Variants in MYO3B observed in about 807,000 individuals in gnomAD.
MYO3B encodes myosin-IIIb.
A neutral mutation model predicts 174.6 loss-of-function variants in MYO3B; 156 were observed. That is an observed-to-expected ratio of 0.89 (90% CI 0.78 to 1.02). The LOEUF is 1.02. MYO3B is among the 50% of genes least tolerant of loss of function. MYO3B has a pLI of 0.00. For missense variants in MYO3B, 1,632 were observed against 1,639.4 expected (o/e 1.00, Z 0.08); for synonymous variants, 563 against 569.1 (o/e 0.99, Z 0.15).
chr2:170,511,083 G>A (rs1376278950), intron 28 of MYO3B, among the ~76,000 whole-genome samples: 5 of 143,564 alleles, frequency 3.5e-5, no homozygotes, highest in African/African-American at 7.8e-5. Flanking sequence ...TTTTTGAGAC[G>A]GAGTCTCACT....
At chr2:170,607,320 A>G (rs1694873131) in intron 32 of MYO3B, among the ~76,000 whole-genome samples, 1 of 152,258 alleles carries the variant, frequency 6.6e-6, no homozygotes, top group African/African-American at 2.4e-5. Context: ...TTCGTGGCTT[A>G]CAGCCACAAA....
At chr2:170,410,942 G>C (rs2094542373) in intron 22 of MYO3B, among the ~76,000 whole-genome samples, 1 of 152,096 alleles carries the variant, frequency 6.6e-6, no homozygotes, top group Non-Finnish European at 1.5e-5. Flanking sequence ...CAGCTACTCA[G>C]GAGGCTGAGG....
intron 26 of MYO3B, among the ~76,000 whole-genome samples, chr2:170,499,170 C>G (rs1687064672): frequency 6.6e-6 from 1 of 152,166 alleles, no homozygotes; most frequent in South Asian, 2.1e-4. Flanking sequence ...TATGGTCCAT[C>G]CTGATTGCCT....
chr2:170,388,643 T>A (rs1273220072), intron 14 of MYO3B, among the ~76,000 whole-genome samples: 1 of 152,088 alleles, frequency 6.6e-6, no homozygotes, highest in Non-Finnish European at 1.5e-5. Flanking sequence ...GGGAATGGAT[T>A]GGGGGAGATG....
intron 30 of MYO3B, among the ~76,000 whole-genome samples, chr2:170,532,527 G>T (rs1018432153): frequency 2.0e-5 from 3 of 152,106 alleles, no homozygotes; most frequent in Non-Finnish European, 1.5e-5. Flanking sequence ...AAGAGTATCA[G>T]GTAGGCTGGG....
chr2:170,454,482 G>T (rs1029568999), intron 23 of MYO3B, among the ~76,000 whole-genome samples: 1 of 152,210 alleles, frequency 6.6e-6, no homozygotes, highest in Non-Finnish European at 1.5e-5. Context: ...AAATGTCTCC[G>T]CAGGACTATT....
intron 32 of MYO3B, among the ~76,000 whole-genome samples, chr2:170,643,329 T>C (rs915071458): frequency 2.0e-5 from 3 of 152,140 alleles, no homozygotes; most frequent in African/African-American, 7.2e-5. Flanking sequence ...AAAAGACAGG[T>C]CATGTCTTCA....
At chr2:170,531,954 G>A (rs1689381598) in intron 30 of MYO3B, among the ~76,000 whole-genome samples, 1 of 152,232 alleles carries the variant, frequency 6.6e-6, no homozygotes, top group South Asian at 2.1e-4. Flanking sequence ...CTATGTGAAA[G>A]TTTGAGGAGT....
At chr2:170,181,248 G>T (rs2092395196) in intron 1 of MYO3B, among the ~76,000 whole-genome samples, 1 of 151,968 alleles carries the variant, frequency 6.6e-6, no homozygotes, top group African/African-American at 2.4e-5. Context: ...TTCCTTTCTA[G>T]TATGTAGAAA....
intron 1 of MYO3B, among the ~76,000 whole-genome samples, chr2:170,188,167 T>C (rs1271552250): frequency 6.6e-6 from 1 of 152,210 alleles, no homozygotes; most frequent in Non-Finnish European, 1.5e-5. Flanking sequence ...ATTTGTTATA[T>C]TGTCTTCCTG....
At chr2:170,644,964 G>T (rs965613879) in intron 32 of MYO3B, among the ~76,000 whole-genome samples, 2 of 152,090 alleles carry the variant, frequency 1.3e-5, no homozygotes. Flanking sequence ...TTGGGGGGAG[G>T]TGCAAAGATT....
intron 6 of MYO3B, among the ~76,000 whole-genome samples, chr2:170,230,178 T>G (rs2092998592): frequency 6.6e-6 from 1 of 150,418 alleles, no homozygotes; most frequent in East Asian, 1.9e-4. Flanking sequence ...TTTTTTGTTT[T>G]TTTTTTTTCG....
At chr2:170,625,123 A>G (rs957156100) in intron 32 of MYO3B, among the ~76,000 whole-genome samples, 1 of 152,190 alleles carries the variant, frequency 6.6e-6, no homozygotes, top group South Asian at 2.1e-4. Context: ...ATTGATTGGA[A>G]TAGTTTCAGA....
At chr2:170,497,926 CAA>C (rs371379702) in intron 25 of MYO3B, among the ~76,000 whole-genome samples, 54 of 115,734 alleles carry the variant, frequency 4.7e-4, no homozygotes, top group African/African-American at 1.9e-3. Context: ...GCCTGGGCAA[CAA>C]GAGTGAAATT....
chr2:170,508,308 A>G (rs939976320), intron 28 of MYO3B, among the ~76,000 whole-genome samples: 3 of 152,226 alleles, frequency 2.0e-5, no homozygotes, highest in African/African-American at 7.2e-5. Context: ...ATGATCGATT[A>G]CACACTTGAG....
chr2:170,339,620 C>T (rs191168300), intron 8 of MYO3B, among the ~76,000 whole-genome samples: 102 of 152,266 alleles, frequency 6.7e-4, no homozygotes, highest in Non-Finnish European at 1.2e-3. Flanking sequence ...AGATTTATTT[C>T]CAGCCTCCTT....
chr2:170,555,066 C>G (rs567280590), intron 32 of MYO3B, among the ~76,000 whole-genome samples: 25 of 150,856 alleles, frequency 1.7e-4, no homozygotes, highest in Non-Finnish European at 3.5e-4. Context: ...TGTTTGTTTT[C>G]TAAGATTGAG....
At chr2:170,487,388 A>G (rs1686135893) in intron 25 of MYO3B, among the ~76,000 whole-genome samples, 1 of 152,172 alleles carries the variant, frequency 6.6e-6, no homozygotes. Flanking sequence ...GAGGGCAGGG[A>G]AATTGTGTGC....
chr2:170,399,846 G>A (rs1050745429), intron 16 of MYO3B, among the ~76,000 whole-genome samples: 2 of 152,180 alleles, frequency 1.3e-5, no homozygotes, highest in African/African-American at 2.4e-5. Flanking sequence ...GAGCAACTCC[G>A]TTTATGCAAT....
Sources: allele counts gnomAD v4.1 joint callset (sites outside exome capture counted in the v4.1 genomes callset), GRCh38; gene constraint gnomAD v4.1.1; transcripts MANE v1.5; gene names NCBI Gene and HGNC (gene_info 2026-07-23, HGNC 2026-07-21).